The following AIF1L variants were observed in gnomAD, a reference collection of about 807,000 sequenced individuals.
AIF1L encodes allograft inflammatory factor 1-like.
In AIF1L, 12 loss-of-function variants were observed where a neutral mutation model predicts 20.7. The observed-to-expected ratio is 0.58, with a 90% CI of 0.37 to 0.94. AIF1L has a LOEUF of 0.94. Among genes scored for constraint, AIF1L ranks in the 40% least tolerant of loss-of-function variants. The probability of loss-of-function intolerance (pLI) is 0.01; values close to 1 mark genes in which losing one functional copy is unlikely to be tolerated. For synonymous variants in AIF1L, 76 were observed against 65.1 expected, an observed-to-expected ratio of 1.17 and a Z score of -0.81; for missense variants, 173 against 185.3, an observed-to-expected ratio of 0.93 and a Z score of 0.39.
chr9:131,116,180 T>C (rs1216983733), intron 4 of AIF1L, among the ~76,000 whole-genome samples: 1 of 152,080 alleles, frequency 6.6e-6, no homozygotes, highest in African/African-American at 2.4e-5. Flanking sequence ...TGAGCCTCCT[T>C]GAAAAAAATA....
At chr9:131,102,099 G>A (rs1398528274) in intron 2 of AIF1L, among the ~76,000 whole-genome samples, 2 of 152,064 alleles carry the variant, frequency 1.3e-5, no homozygotes, top group Non-Finnish European at 2.9e-5. Context: ...TTTTAGTAGA[G>A]ACAGGGTTTC....
rs369872844 is a variant in AIF1L, at chr9:131,100,529, C to T, written c.93+3666C>T. 9.3e-4 allele frequency among the ~76,000 whole-genome samples: 141 copies of T among 152,344 alleles called. 2 individuals carry two copies. In the South Asian group the frequency reaches 0.017, roughly 18 times the overall value. On this transcript the variant is annotated intron_variant, in intron 2 of 5. Coordinates refer to ENST00000247291, the MANE Select transcript of AIF1L (RefSeq NM_031426.4). ...CTTGAACCCAGCCTATTTTCTCAAT[C>T]GCTCAGCTTGGCTGGGCCTCCTGCT...
rs746803743 is a variant in AIF1L, at chr9:131,114,539, T to C, written c.161-38T>C. 2.5e-6 allele frequency: 4 copies of C among 1,612,496 alleles called. 1 individual carries two copies. The highest frequency in any genetic ancestry group is 3.4e-6 in the Non-Finnish European group (4 of 1,178,710). On this transcript the variant is annotated intron_variant, in intron 3 of 5. Coordinates refer to ENST00000247291, the MANE Select transcript of AIF1L (RefSeq NM_031426.4). Reference sequence around the variant, plus strand: ...CTGGGTCCCCACAGGGAGACGCTGCTTCCAAACTAATGCTAGTTTTTGCTC... The same window carrying C: ...CTGGGTCCCCACAGGGAGACGCTGCCTCCAAACTAATGCTAGTTTTTGCTC...
intron 1 of AIF1L, 29 bp downstream of exon 1, chr9:131,096,689 C>G (rs1402167051): frequency 6.9e-7 from 1 of 1,458,268 alleles, no homozygotes; most frequent in Admixed American, 2.8e-5. Flanking sequence ...GAGCAGCCAC[C>G]TGTGCGCGCC....
intron 3 of AIF1L, chr9:131,112,190 T>C: frequency 6.4e-6 from 1 of 156,564 alleles, no homozygotes; most frequent in Non-Finnish European, 1.4e-5. Context: ...AGCATAAAGG[T>C]CCCTCTGTTT....
rs750325550 is a variant in AIF1L, at chr9:131,117,838, G to A, written c.285G>A (p.Val95=). ...HLEMKKMISE[V]TGGVSDTISY... ...AGATGAAGAAGATGATCTCAGAGGT[G>A]ACAGGAGGGGTCAGTGACACTATAT... Residue 95 remains valine, a synonymous_variant, in exon 5 of 6, where the codon GTG becomes GTA. Transcript: ENST00000247291. 6.2e-7 allele frequency: 1 copy of A among 1,614,156 alleles called. No homozygotes were observed. The highest frequency in any genetic ancestry group is 1.3e-5 in the African/African-American group (1 of 75,040).
At chr9:131,101,025 G>A (rs1310065994) in intron 2 of AIF1L, among the ~76,000 whole-genome samples, 1 of 152,146 alleles carries the variant, frequency 6.6e-6, no homozygotes, top group Non-Finnish European at 1.5e-5. Context: ...AGCCTCCCAA[G>A]TAGCTGGAAC....
At chr9:131,110,172 A>G (rs1830843366) in intron 2 of AIF1L, among the ~76,000 whole-genome samples, 1 of 152,188 alleles carries the variant, frequency 6.6e-6, no homozygotes, top group Non-Finnish European at 1.5e-5. Flanking sequence ...AGATTGCATC[A>G]CTGCATTCCA....
In AIF1L at chr9:131,122,015, A is replaced by G. The variant is rs1831148984; in HGVS notation, c.*1693A>G. On this transcript the variant is annotated 3_prime_UTR_variant, in exon 6 of 6. Transcript: ENST00000247291. ...ATCCAATAATGAAATGGACAGATTC[A>G]TGGAACTTAGAGTCCAATAGGAAAG... is the stretch of plus-strand genomic sequence containing the variant. 1 of 152,276 alleles carries G rather than the reference A, an allele frequency of 6.6e-6. No homozygotes were observed. 9.4% of individuals were successfully genotyped at this position (152,276 alleles called of 1,614,324 possible).
chr9:131,096,540 T>C lies in AIF1L; in HGVS notation c.-90T>C, dbSNP rs987906025. The C allele has an allele frequency of 2.1e-6, 3 of 1,434,580 alleles. No individual in the cohort carries two copies. Among genetic ancestry groups the C allele is most frequent in the East Asian group, 3.0e-5 (1 of 32,970 alleles). The allele number at this position is 1,434,580 out of a possible 1,614,324, so 88.9% of individuals were successfully genotyped here. On this transcript the variant is annotated 5_prime_UTR_variant, in exon 1 of 6. Coordinates refer to ENST00000247291, the MANE Select transcript of AIF1L (RefSeq NM_031426.4). ...CCTCGGTCCCGCGGCCACACGCAGC[T>C]AGCCGGAGCCCGGACCAGGCGCCTG...
intron 4 of AIF1L, among the ~76,000 whole-genome samples, chr9:131,115,860 G>C (rs947488789): frequency 6.6e-6 from 1 of 151,710 alleles, no homozygotes; most frequent in African/African-American, 2.4e-5. Context: ...TGTAATCCCA[G>C]CTACTCGGGA....
chr9:131,101,043 G>A (rs1002603902), intron 2 of AIF1L, among the ~76,000 whole-genome samples: 4 of 152,002 alleles, frequency 2.6e-5, no homozygotes, highest in Admixed American at 6.6e-5. Flanking sequence ...AACTATAGGC[G>A]CGCACCACCA....
intron 2 of AIF1L, among the ~76,000 whole-genome samples, chr9:131,103,646 A>G (rs1263273105): frequency 1.3e-5 from 2 of 152,216 alleles, no homozygotes; most frequent in Non-Finnish European, 2.9e-5. Flanking sequence ...ACCCTGACTC[A>G]AAACAAAACA....
intron 2 of AIF1L, among the ~76,000 whole-genome samples, chr9:131,109,611 G>T (rs887534300): frequency 6.6e-6 from 1 of 152,138 alleles, no homozygotes; most frequent in Non-Finnish European, 1.5e-5. Context: ...AAGAAGAGGG[G>T]TTATTTGCAG....
At chr9:131,116,704 T>C (rs1214311811) in intron 4 of AIF1L, among the ~76,000 whole-genome samples, 1 of 152,264 alleles carries the variant, frequency 6.6e-6, no homozygotes, top group Admixed American at 6.5e-5. Flanking sequence ...TCTTTGTACA[T>C]GAGTGCTTGT....
rs567043051 is a variant in AIF1L, at chr9:131,121,120, T to A, written c.*798T>A. 1.4e-6 allele frequency: 1 copy of A among 714,464 alleles called. No individual in the cohort carries two copies. Among genetic ancestry groups the A allele is most frequent in the Admixed American group, 2.0e-5 (1 of 49,638 alleles). 44.3% of individuals were successfully genotyped at this position (714,464 alleles called of 1,614,324 possible). ...CTGTTCCACCTTTTAGGGAGGTTAC[T>A]GAGGGGACCAGGATGGGAGAATGAG... On this transcript the variant is annotated 3_prime_UTR_variant, in exon 6 of 6. Coordinates refer to ENST00000247291, the MANE Select transcript of AIF1L (RefSeq NM_031426.4).
At chr9:131,117,180 C>A (rs1287045005) in intron 4 of AIF1L, among the ~76,000 whole-genome samples, 2 of 152,146 alleles carry the variant, frequency 1.3e-5, no homozygotes, top group Non-Finnish European at 2.9e-5. Flanking sequence ...TTTTTGGCAT[C>A]CTCTCCCTTC....
intron 2 of AIF1L, among the ~76,000 whole-genome samples, chr9:131,110,102 C>T (rs551211984): frequency 6.6e-6 from 1 of 152,176 alleles, no homozygotes; most frequent in Non-Finnish European, 1.5e-5. Flanking sequence ...GTCCCAGCTA[C>T]TCAGGAGGCT....
intron 2 of AIF1L, 86 bp from the exon 3 acceptor site, chr9:131,111,511 G>A (rs1830883080): frequency 7.9e-7 from 1 of 1,264,100 alleles, no homozygotes; most frequent in Non-Finnish European, 1.1e-6. Context: ...TACCCGATAG[G>A]AGGGAAGGCC....
Sources: allele counts gnomAD v4.1 joint callset (sites outside exome capture counted in the v4.1 genomes callset), GRCh38; gene constraint gnomAD v4.1.1; transcripts MANE v1.5; gene names NCBI Gene and HGNC (gene_info 2026-07-23, HGNC 2026-07-21).